ANO3: variants seen among roughly 807,000 people sequenced by gnomAD.
The protein encoded by ANO3 is anoctamin 3.
Under a neutral mutation model 144.8 loss-of-function variants are expected in ANO3, and 99 were observed. The ratio of observed to expected loss-of-function variants is 0.68; its 90% confidence interval spans 0.58 to 0.81. The LOEUF (loss-of-function observed/expected upper bound fraction) is 0.81, where lower values mean the gene tolerates loss of function less well. Ranked by LOEUF, ANO3 falls within the 30% of genes least tolerant of loss-of-function variation. The probability of loss-of-function intolerance (pLI) is 0.00; values close to 1 mark genes in which losing one functional copy is unlikely to be tolerated. For missense variants in ANO3, 905 were observed against 1,202.2 expected (o/e 0.75, Z 3.66); for synonymous variants, 414 against 392.6 (o/e 1.05, Z -0.64).
chr11:26,255,213 C>G (rs1266676890), intron 1 of ANO3, among the ~76,000 whole-genome samples: 4 of 152,170 alleles, frequency 2.6e-5, no homozygotes. Context: ...TATCCTCAGG[C>G]AACAAAGGCA....
upstream of ANO3, among the ~76,000 whole-genome samples, chr11:26,308,967 T>C (rs560893109): frequency 6.6e-6 from 1 of 152,108 alleles, no homozygotes; most frequent in African/African-American, 2.4e-5. Context: ...GAGGTCAGAG[T>C]TTTTAATCTC....
chr11:26,297,383 T>C (rs1854119060), intron 1 of ANO3, among the ~76,000 whole-genome samples: 1 of 152,208 alleles, frequency 6.6e-6, no homozygotes, highest in South Asian at 2.1e-4. Flanking sequence ...CTTGTGGGCC[T>C]GTCATACAAT....
rs1281524462 is a variant in ANO3, at chr11:26,322,576, A to G, written c.-3+12857A>G. ...GATTATTGGTCAGGTATATTATAGCATACTCCTCTAATAGTATTTCTTATG... is the reference window on the plus strand; with the variant it reads ...GATTATTGGTCAGGTATATTATAGCGTACTCCTCTAATAGTATTTCTTATG... On this transcript the variant is annotated intron_variant, in intron 1 of 26. Coordinates refer to the ANO3 transcript ENST00000525139. Among the ~76,000 whole-genome samples the G allele has an allele frequency of 7.2e-5, 11 of 152,096 alleles. 1 individual carries two copies. In the South Asian group the frequency reaches 1.5e-3, roughly 20 times the overall value.
chr11:26,310,954 A>AT (rs202187753), intron 1 of ANO3, among the ~76,000 whole-genome samples: 3 of 151,942 alleles, frequency 2.0e-5, no homozygotes, highest in Non-Finnish European at 2.9e-5. Context: ...CTTTGCTATT[A>AT]TTTTTTTTCT....
At chr11:26,462,892 C>T in intron 3 of ANO3, 138 bp from the exon 4 acceptor site, 1 of 418,596 alleles carries the variant, frequency 2.4e-6, no homozygotes. Context: ...GAAAATTATG[C>T]CACACAAATT....
chr11:26,554,602 A>G (rs558499335), intron 13 of ANO3, among the ~76,000 whole-genome samples: 2 of 152,192 alleles, frequency 1.3e-5, no homozygotes, highest in Non-Finnish European at 2.9e-5. Context: ...GGTGTGGTCA[A>G]TCTTTATGAA....
At chr11:26,445,382 T>TA (rs1281014217) in intron 3 of ANO3, among the ~76,000 whole-genome samples, 1 of 152,202 alleles carries the variant, frequency 6.6e-6, no homozygotes, top group Non-Finnish European at 1.5e-5. Context: ...ATCACCCTAT[T>TA]AAAAAACCTT....
rs548707199 is a variant in ANO3 at position 26,562,253 on chromosome 11, A to T, written c.1447+2474A>T. 2.6e-3 allele frequency among the ~76,000 whole-genome samples: 393 copies of T among 151,994 alleles called. 3 individuals carry two copies. Among genetic ancestry groups the T allele is most frequent in the African/African-American group, 9.2e-3 (384 of 41,526 alleles). On this transcript the variant is annotated intron_variant, in intron 14 of 26. Coordinates refer to ENST00000256737, the MANE Select transcript of ANO3 (RefSeq NM_031418.4). ...TTAGTTCCTAGAAACCCATAATCAG[A>T]ATTCAGTTACATTTATAATTTACAG...
At chr11:26,577,690 C>T (rs1232999053) in intron 14 of ANO3, among the ~76,000 whole-genome samples, 2 of 151,806 alleles carry the variant, frequency 1.3e-5, no homozygotes, top group African/African-American at 2.4e-5. Context: ...TGCTTTTTTC[C>T]AGCTATGTTA....
chr11:26,415,610 T>TCC (rs1415675331), intron 1 of ANO3, among the ~76,000 whole-genome samples: 6 of 152,212 alleles, frequency 3.9e-5, no homozygotes, highest in Non-Finnish European at 5.9e-5. Flanking sequence ...ATGTCCTTAT[T>TCC]TATTGTTCCA....
chr11:26,220,748 A>T (rs67691143), intron 1 of ANO3, among the ~76,000 whole-genome samples: 3 of 151,998 alleles, frequency 2.0e-5, no homozygotes, highest in Non-Finnish European at 4.4e-5. Flanking sequence ...ACCTTCTGAC[A>T]GGTCCCTAGT....
chr11:26,624,570 T>A (rs1250236435), intron 18 of ANO3, 72 bp downstream of exon 18: 12 of 1,088,358 alleles, frequency 1.1e-5, no homozygotes, highest in Admixed American at 2.0e-5. Flanking sequence ...GTAGTTACTT[T>A]ATATAATGTA....
chr11:26,572,289 A>G, intron 14 of ANO3: 1 of 953,944 alleles, frequency 1.0e-6, no homozygotes, highest in African/African-American at 1.8e-5. Context: ...TCAGGCCTTT[A>G]ACAACAACAA....
At chr11:26,548,882 C>T (rs745828610) in intron 12 of ANO3, among the ~76,000 whole-genome samples, 5 of 151,504 alleles carry the variant, frequency 3.3e-5, no homozygotes, top group South Asian at 2.1e-4. Flanking sequence ...GGCATTTCCC[C>T]GTATTCTGTT....
At chr11:26,412,989 T>G (rs894153868) in intron 1 of ANO3, among the ~76,000 whole-genome samples, 7 of 151,950 alleles carry the variant, frequency 4.6e-5, no homozygotes, top group African/African-American at 1.7e-4. Flanking sequence ...TGTAAATGAA[T>G]TTTTAGGGGA....
intron 1 of ANO3, among the ~76,000 whole-genome samples, chr11:26,426,782 T>G (rs75094890): frequency 6.6e-6 from 1 of 152,150 alleles, no homozygotes; most frequent in Non-Finnish European, 1.5e-5. Context: ...CAGCCCAATA[T>G]CAAGAAGCTG....
At chr11:26,252,510 C>A (rs1171873697) in intron 1 of ANO3, among the ~76,000 whole-genome samples, 1 of 152,112 alleles carries the variant, frequency 6.6e-6, no homozygotes, top group East Asian at 1.9e-4. Flanking sequence ...CTCTGGAATG[C>A]TATTTTCATC....
chr11:26,607,606 G>A (rs1851971915), intron 17 of ANO3, among the ~76,000 whole-genome samples: 1 of 152,056 alleles, frequency 6.6e-6, no homozygotes, highest in African/African-American at 2.4e-5. Context: ...TTGCCAGTGG[G>A]GTGTTAAGGC....
intron 1 of ANO3, among the ~76,000 whole-genome samples, chr11:26,333,042 G>C (rs936205540): frequency 5.3e-5 from 8 of 152,190 alleles, no homozygotes; most frequent in Admixed American, 2.6e-4. Flanking sequence ...TTTTTATTTT[G>C]AGGCACATTC....
Sources: gnomAD v4.1 joint callset for allele counts (sites outside exome capture counted in the v4.1 genomes callset) on GRCh38, gnomAD v4.1.1 for gene constraint, MANE v1.5 for transcripts, NCBI Gene and HGNC (gene_info 2026-07-23, HGNC 2026-07-21) for gene names.